The following DRG1 variants were observed in gnomAD, a reference collection of about 807,000 sequenced individuals.
DRG1 encodes developmentally regulated GTP binding protein 1, also known as developmentally-regulated GTP-binding protein 1.
Under a neutral mutation model 38.8 loss-of-function variants are expected in DRG1, and 19 were observed. The observed-to-expected ratio is 0.49, with a 90% confidence interval of 0.34 to 0.72. DRG1 has a LOEUF of 0.72. DRG1 is among the 30% of genes least tolerant of loss of function. The pLI is 0.01. For synonymous variants in DRG1, 167 were observed against 157.5 expected, an observed-to-expected ratio of 1.06 and a Z score of -0.45; for missense variants, 299 against 444.8, an observed-to-expected ratio of 0.67 and a Z score of 2.95.
intron 3 of DRG1, among the ~76,000 whole-genome samples, chr22:31,409,830 C>G (rs1396003574): frequency 6.6e-6 from 1 of 151,790 alleles, no homozygotes; most frequent in Non-Finnish European, 1.5e-5. Flanking sequence ...CCTGACTCTA[C>G]TAAAATACAA....
chr22:31,402,904 TA>T, intron 2 of DRG1, 124 bp from the exon 3 acceptor site: 1 of 1,089,706 alleles, frequency 9.2e-7, no homozygotes, highest in Non-Finnish European at 1.3e-6. Context: ...CCTTTAAAGG[TA>T]AACCATAAAA....
At chr22:31,420,521 C>A (rs2050071171) in intron 5 of DRG1, 96 bp downstream of exon 5, 1 of 1,430,780 alleles carries the variant, frequency 7.0e-7, no homozygotes, top group Non-Finnish European at 9.5e-7. Context: ...AATTTCCTGG[C>A]TTTTCCCTGC....
intron 3 of DRG1, among the ~76,000 whole-genome samples, chr22:31,404,284 G>A (rs1478131640): frequency 3.3e-5 from 5 of 149,324 alleles, no homozygotes; most frequent in African/African-American, 1.2e-4. Context: ...CTGTCTCCCA[G>A]GCTAGAATGC....
chr22:31,432,487 G>A (rs563473330), intron 8 of DRG1, among the ~76,000 whole-genome samples: 313 of 151,000 alleles, frequency 2.1e-3, no homozygotes, highest in Non-Finnish European at 3.4e-3. Flanking sequence ...GTGCAGTGGC[G>A]CGATCTTGGC....
At chr22:31,418,456 T>C (rs1298129823) in intron 4 of DRG1, among the ~76,000 whole-genome samples, 1 of 152,040 alleles carries the variant, frequency 6.6e-6, no homozygotes, top group East Asian at 1.9e-4. Flanking sequence ...AGACCCTGTC[T>C]CTTCAAAAAA....
At chr22:31,414,527 C>T (rs771824877) in intron 4 of DRG1, among the ~76,000 whole-genome samples, 1 of 152,148 alleles carries the variant, frequency 6.6e-6, no homozygotes, top group Non-Finnish European at 1.5e-5. Context: ...TTTTCTATCT[C>T]AGTAAAGGCA....
intron 8 of DRG1, among the ~76,000 whole-genome samples, chr22:31,433,257 G>A (rs372169788): frequency 1.3e-5 from 2 of 149,082 alleles, no homozygotes; most frequent in East Asian, 4.1e-4. Context: ...ATTTCTCTAT[G>A]AAGATTAAAG....
Position 31,399,633 on chromosome 22 carries a change from C to A in DRG1, c.-51C>A, listed in dbSNP as rs764536786. On this transcript the variant is annotated 5_prime_UTR_variant, in exon 1 of 9. Coordinates refer to ENST00000331457, the MANE Select transcript of DRG1 (RefSeq NM_004147.4). ...GCGCCTGGTGGCGGTGGCAGTTTGC[C>A]CGCGGGTGTGTGAAGGGAGACAGTG... 12 of 1,613,624 alleles carry A rather than the reference C, an allele frequency of 7.4e-6. No homozygotes were observed. Among genetic ancestry groups the A allele is most frequent in the Non-Finnish European group, 2.5e-6 (3 of 1,179,644 alleles).
chr22:31,402,527 G>A (rs980414116), intron 2 of DRG1, among the ~76,000 whole-genome samples: 11 of 48,194 alleles, frequency 2.3e-4, no homozygotes, highest in East Asian at 1.4e-3. Flanking sequence ...TTTTTTTTTC[G>A]AGACAGGGTC....
chr22:31,409,329 C>T (rs2050006287), intron 3 of DRG1, among the ~76,000 whole-genome samples: 2 of 152,036 alleles, frequency 1.3e-5, no homozygotes, highest in Non-Finnish European at 2.9e-5. Flanking sequence ...AAGCAATCTG[C>T]CTGCTTCGGC....
intron 8 of DRG1, among the ~76,000 whole-genome samples, chr22:31,433,413 G>A (rs2050152379): frequency 6.6e-6 from 1 of 151,790 alleles, no homozygotes; most frequent in Non-Finnish European, 1.5e-5. Context: ...TGGGATTACA[G>A]GCACCCGCCA....
At position 31,423,368 on chromosome 22, in the gene DRG1, A is replaced by G; in HGVS notation, c.671A>G (p.Asp224Gly). Residue 224 changes from aspartate (D) to glycine (G), a missense_variant, in exon 6 of 9, where the codon GAT (aspartate) becomes GGT (glycine). Physicochemically the swap from Asp to Gly is moderately conservative, Grantham distance 94. Around this residue, in one of 3 missense-constraint regions of DRG1, gnomAD observed 198 missense variants for 268.1 expected, o/e 0.74. Coordinates refer to ENST00000331457, the MANE Select transcript of DRG1 (RefSeq NM_004147.4). Reference sequence around the variant, plus strand: ...AATGCCGATGTGACTCTACGTAGTGATGCTACAGCTGATGACCTCATTGAT... The same window carrying G: ...AATGCCGATGTGACTCTACGTAGTGGTGCTACAGCTGATGACCTCATTGAT... ...IHNADVTLRS[D>G]ATADDLIDVV... 6.2e-6 allele frequency: 10 copies of G among 1,614,086 alleles called. No homozygotes were observed. The highest frequency in any genetic ancestry group is 8.5e-6 in the Non-Finnish European group (10 of 1,180,020).
chr22:31,400,376 C>T (rs5753598), intron 1 of DRG1, among the ~76,000 whole-genome samples: 151,288 of 152,070 alleles, frequency 0.99, 75,257 homozygotes, highest in Middle Eastern at 1. Context: ...AACCCGCAGA[C>T]GGGTTTCAGT....
At chr22:31,423,222 C>T (rs1238141735) in intron 5 of DRG1, 58 bp from the exon 6 acceptor site, 1 of 1,601,610 alleles carries the variant, frequency 6.2e-7, no homozygotes, top group Non-Finnish European at 8.5e-7. Context: ...TATTGGTACA[C>T]TTGACAAGTA....
chr22:31,400,515 C>G lies in DRG1; in HGVS notation c.43-105C>G, dbSNP rs535250915. On this transcript the variant is annotated intron_variant, in intron 1 of 8. Coordinates refer to ENST00000331457, the MANE Select transcript of DRG1 (RefSeq NM_004147.4). ...CTTTTACTCTTTTAAAGCCTGTAAA[C>G]TGGGTGTGCTAACATTAGTAGGACT... 36 of 1,437,622 alleles carry G rather than the reference C, an allele frequency of 2.5e-5. No homozygotes were observed. In the African/African-American group the frequency reaches 4.4e-4, roughly 18 times the overall value. 89.1% of individuals were successfully genotyped at this position (1,437,622 alleles called of 1,614,324 possible).
intron 4 of DRG1, among the ~76,000 whole-genome samples, chr22:31,419,701 C>T (rs1342081178): frequency 6.6e-6 from 1 of 151,910 alleles, no homozygotes; most frequent in Non-Finnish European, 1.5e-5. Flanking sequence ...TGTGCTTTAA[C>T]ATGGATACAA....
At chr22:31,423,989 T>G (rs1449544763) in intron 6 of DRG1, among the ~76,000 whole-genome samples, 2 of 150,856 alleles carry the variant, frequency 1.3e-5, no homozygotes, top group Non-Finnish European at 1.5e-5. Context: ...TCAGCCTTCC[T>G]GAGTAGCTGG....
intron 8 of DRG1, among the ~76,000 whole-genome samples, chr22:31,427,941 T>TG (rs1434897568): frequency 1.3e-5 from 2 of 152,026 alleles, no homozygotes; most frequent in Admixed American, 6.6e-5. Context: ...TCCTCCATGT[T>TG]GGTTAGGCTG....
At chr22:31,432,019 A>G (rs2050141828) in intron 8 of DRG1, among the ~76,000 whole-genome samples, 1 of 150,936 alleles carries the variant, frequency 6.6e-6, no homozygotes, top group Non-Finnish European at 1.5e-5. Flanking sequence ...AGCAAACAGG[A>G]TTTTATTTGC....
Sources: allele counts gnomAD v4.1 joint callset (sites outside exome capture counted in the v4.1 genomes callset), GRCh38; gene constraint gnomAD v4.1.1; regional missense constraint gnomAD v4.1.1; transcripts MANE v1.5; gene names NCBI Gene and HGNC (gene_info 2026-07-23, HGNC 2026-07-21).